Variants in ARSF observed in about 807,000 individuals in gnomAD.
ARSF encodes arylsulfatase F.
In ARSF, 33 loss-of-function variants were observed where a neutral mutation model predicts 35.4. The observed-to-expected ratio is 0.93, with a 90% CI of 0.71 to 1.25. The LOEUF (loss-of-function observed/expected upper bound fraction) is 1.25. ARSF is among the 50% of genes most tolerant of loss of function. The probability of loss-of-function intolerance (pLI) is 0.00; values close to 1 mark genes in which losing one functional copy is unlikely to be tolerated. For missense variants in ARSF, 501 were observed against 480.2 expected (o/e 1.04, Z -0.40); for synonymous variants, 222 against 193.1 (o/e 1.15, Z -1.24).
chrX:3,050,271 T>C (rs188414714), intron 1 of ARSF, among the ~76,000 whole-genome samples: 1,202 of 110,948 alleles, frequency 0.011, 20 homozygotes, highest in African/African-American at 0.036. Flanking sequence ...AGGCTGGGCA[T>C]GGTGGCTCAA....
chrX:3,085,076 C>T (rs2090237385), intron 6 of ARSF, among the ~76,000 whole-genome samples: 2 of 110,123 alleles, frequency 1.8e-5, no homozygotes, highest in Admixed American at 9.9e-5. Context: ...ACCAGTTGGA[C>T]TCTTCAGTTG....
intron 7 of ARSF, among the ~76,000 whole-genome samples, chrX:3,098,527 A>C (rs1380293222): frequency 9.0e-6 from 1 of 110,632 alleles, no homozygotes; most frequent in Admixed American, 9.7e-5. Context: ...ATGGTAGTGA[A>C]TAAGTCTCAT....
intron 1 of ARSF, among the ~76,000 whole-genome samples, chrX:3,063,107 T>C (rs1297773273): frequency 1.8e-5 from 2 of 111,881 alleles, no homozygotes; most frequent in Non-Finnish European, 3.8e-5. Flanking sequence ...TTATCCATCA[T>C]GGTCAAGTTG....
chrX:3,072,976 A>G (rs1219766095), intron 3 of ARSF, among the ~76,000 whole-genome samples: 4 of 101,167 alleles, frequency 4.0e-5, no homozygotes, highest in African/African-American at 1.1e-4. Flanking sequence ...ATATACATGA[A>G]CATATACATA....
chrX:3,085,311 T>A (rs970203755), intron 6 of ARSF, among the ~76,000 whole-genome samples: 5 of 107,114 alleles, frequency 4.7e-5, no homozygotes, highest in Admixed American at 1.0e-4. Context: ...TGTATATATA[T>A]AATATATTTT....
At chrX:3,098,020 A>AATATAT (rs200431073) in intron 7 of ARSF, among the ~76,000 whole-genome samples, 5 of 95,953 alleles carry the variant, frequency 5.2e-5, no homozygotes, top group Middle Eastern at 4.6e-3. Flanking sequence ...CTCAAAATAA[A>AATATAT]ATATATATAT....
chrX:3,087,348 G>A (rs977755039), intron 6 of ARSF, among the ~76,000 whole-genome samples: 2 of 111,593 alleles, frequency 1.8e-5, no homozygotes, highest in Non-Finnish European at 3.8e-5. Context: ...GGCTCTAGGG[G>A]AGGATTCTTC....
intron 5 of ARSF, among the ~76,000 whole-genome samples, chrX:3,082,080 G>A (rs1160185081): frequency 9.0e-6 from 1 of 111,417 alleles, no homozygotes; most frequent in Non-Finnish European, 1.9e-5. Flanking sequence ...CCACATACAG[G>A]AAGCTGTTAA....
At chrX:3,098,292 T>C (rs1189892088) in intron 7 of ARSF, among the ~76,000 whole-genome samples, 1 of 110,170 alleles carries the variant, frequency 9.1e-6, no homozygotes, top group East Asian at 2.8e-4. Context: ...ACGAAGATTT[T>C]CCGAGAAATA....
At chrX:3,052,201 C>A (rs2089999731) in intron 1 of ARSF, among the ~76,000 whole-genome samples, 1 of 111,947 alleles carries the variant, frequency 8.9e-6, no homozygotes, top group African/African-American at 3.2e-5. Context: ...TAAGAAAAAG[C>A]AAATGCATAA....
intron 1 of ARSF, among the ~76,000 whole-genome samples, chrX:3,049,734 G>A (rs1313346465): frequency 1.8e-5 from 2 of 111,060 alleles, no homozygotes; most frequent in Admixed American, 9.7e-5. Context: ...TGGGGATTTT[G>A]GTTTCCTTTC....
intron 6 of ARSF, among the ~76,000 whole-genome samples, chrX:3,084,874 T>C (rs956372973): frequency 9.0e-6 from 1 of 111,547 alleles, no homozygotes; most frequent in Non-Finnish European, 1.9e-5. Context: ...TTTGAAAAAA[T>C]AAATCATTTG....
At chrX:3,102,654 C>T (rs1453985034) in intron 8 of ARSF, among the ~76,000 whole-genome samples, 2 of 112,304 alleles carry the variant, frequency 1.8e-5, no homozygotes, top group Non-Finnish European at 3.8e-5. Flanking sequence ...TTGGCTCATG[C>T]CTGTAATCCC....
At chrX:3,055,719 T>G (rs1354030787) in intron 1 of ARSF, among the ~76,000 whole-genome samples, 2 of 111,075 alleles carry the variant, frequency 1.8e-5, no homozygotes, top group African/African-American at 6.6e-5. Context: ...GTCCCTGGGT[T>G]GGATAATTCT....
chrX:3,061,627 CA>C (rs1306578253), intron 1 of ARSF, among the ~76,000 whole-genome samples: 3 of 107,575 alleles, frequency 2.8e-5, no homozygotes, highest in Non-Finnish European at 5.8e-5. Context: ...AAATGGAAAG[CA>C]AAAAAAAAGC....
At chrX:3,089,436 A>C (rs2090272258) in intron 6 of ARSF, 60 bp from the exon 7 acceptor site, 7 of 1,167,814 alleles carry the variant, frequency 6.0e-6, no homozygotes, top group Non-Finnish European at 8.1e-6. Flanking sequence ...AGCCAAAACA[A>C]TAGTTTTCAC....
At chrX:3,060,632 G>A (rs2090037993) in intron 1 of ARSF, among the ~76,000 whole-genome samples, 1 of 111,698 alleles carries the variant, frequency 9.0e-6, no homozygotes, top group Non-Finnish European at 1.9e-5. Flanking sequence ...ACCTGACGGA[G>A]CTGAAAACCA....
Position 3,041,472 on chromosome X carries a change from G to T in ARSF, c.-220G>T, listed in dbSNP as rs1209241295. 1.8e-5 allele frequency: 2 copies of T among 109,381 alleles called. No individual in the cohort carries two copies. The highest frequency in any genetic ancestry group is 6.7e-5 in the African/African-American group (2 of 30,016). 9.0% of individuals were successfully genotyped at this position (109,381 alleles called of 1,213,427 possible). A position where few individuals can be genotyped will look rare whatever the true frequency, so the allele number is the denominator to read the frequency against. Reference sequence around the variant, plus strand: ...CGTCTACGTAATTTTTGTATTTTTAGTGGAGACAGGCTCTCACCATGTTGA... The same window carrying T: ...CGTCTACGTAATTTTTGTATTTTTATTGGAGACAGGCTCTCACCATGTTGA... On this transcript the variant is annotated 5_prime_UTR_variant, in exon 1 of 11. Transcript: ENST00000381127.
chrX:3,104,959 T>C (rs1779679536), intron 9 of ARSF, among the ~76,000 whole-genome samples: 1 of 111,678 alleles, frequency 9.0e-6, no homozygotes, highest in Non-Finnish European at 1.9e-5. Context: ...ATACTTTGAA[T>C]TTCTTCAAGA....
Sources: allele counts gnomAD v4.1 joint callset (sites outside exome capture counted in the v4.1 genomes callset), GRCh38; gene constraint gnomAD v4.1.1; transcripts MANE v1.5; gene names NCBI Gene and HGNC (gene_info 2026-07-23, HGNC 2026-07-21).